Variants in ASB2 observed in about 807,000 individuals in gnomAD.
The protein encoded by ASB2 is ankyrin repeat and SOCS box containing 2, also known as ankyrin repeat and SOCS box protein 2.
A neutral mutation model predicts 62.4 loss-of-function variants in ASB2; 58 were observed. That is an observed-to-expected ratio of 0.93 (90% CI 0.75 to 1.16). The LOEUF is 1.16. Among genes scored for constraint, ASB2 ranks in the 50% most tolerant of loss-of-function variants. ASB2 has a pLI of 0.00. For missense variants in ASB2, 928 were observed against 887.9 expected, an observed-to-expected ratio of 1.05 and a Z score of -0.57; for synonymous variants, 386 against 385.3, an observed-to-expected ratio of 1.00 and a Z score of -0.02.
chr14:93,939,265 T>TC lies in ASB2; in HGVS notation c.1459_1460insG (p.Lys487ArgfsTer56), dbSNP rs1490249285. On this transcript the variant is annotated frameshift_variant, in exon 8 of 10. Transcript: ENST00000555019. LOFTEE classifies it high-confidence loss of function. ...GAGGAACTTGAGCAGCGACAGGCACTTCATGGCGAACATGATGGTGGCGGG... is the reference window on the plus strand; with the variant it reads ...GAGGAACTTGAGCAGCGACAGGCACTCTCATGGCGAACATGATGGTGGCGGG... 1.2e-5 allele frequency: 20 copies of TC among 1,610,022 alleles called. No homozygotes were observed. Among genetic ancestry groups the TC allele is most frequent in the Non-Finnish European group, 1.7e-5 (20 of 1,177,224 alleles).
At chr14:93,959,407 A>T (rs1160325981) in intron 2 of ASB2, among the ~76,000 whole-genome samples, 1 of 152,116 alleles carries the variant, frequency 6.6e-6, no homozygotes, top group African/African-American at 2.4e-5. Context: ...GACCGCTCAG[A>T]GTTACTGAGT....
intron 7 of ASB2, among the ~76,000 whole-genome samples, chr14:93,944,434 G>A (rs1027704581): frequency 2.6e-5 from 4 of 152,380 alleles, no homozygotes; most frequent in Non-Finnish European, 4.4e-5. Flanking sequence ...GACACCATCT[G>A]GCAAACAGCC....
At chr14:93,949,969 C>T (rs953738381) in intron 6 of ASB2, among the ~76,000 whole-genome samples, 2 of 152,216 alleles carry the variant, frequency 1.3e-5, no homozygotes, top group East Asian at 1.9e-4. Flanking sequence ...CCCGTGCTGC[C>T]GACTCTCACA....
intron 9 of ASB2, among the ~76,000 whole-genome samples, chr14:93,935,026 C>A (rs1279270683): frequency 1.3e-5 from 2 of 152,204 alleles, no homozygotes; most frequent in Non-Finnish European, 1.5e-5. Context: ...GTGGTTAGCA[C>A]ACCCATTTCA....
intron 2 of ASB2, chr14:93,957,391 C>T: frequency 9.8e-7 from 1 of 1,016,274 alleles, no homozygotes; most frequent in Non-Finnish European, 1.2e-6. Flanking sequence ...GGATCTTGTC[C>T]CAGGGGTAGG....
intron 2 of ASB2, 53 bp from the exon 3 acceptor site, chr14:93,956,923 A>G (rs1303987586): frequency 6.2e-7 from 1 of 1,609,382 alleles, no homozygotes; most frequent in Non-Finnish European, 8.5e-7. Flanking sequence ...GCATAGGAGA[A>G]GCGGGTCATG....
intron 2 of ASB2, among the ~76,000 whole-genome samples, chr14:93,957,910 T>TG (rs1199343018): frequency 6.6e-6 from 1 of 152,014 alleles, no homozygotes; most frequent in African/African-American, 2.4e-5. Context: ...CACACTCTTC[T>TG]GGGGGGGATT....
intron 3 of ASB2, chr14:93,955,191 A>G (rs1274501171): frequency 4.4e-6 from 2 of 455,980 alleles, no homozygotes; most frequent in African/African-American, 2.0e-5. Flanking sequence ...CAATAGTCCC[A>G]TTTCCCAGAT....
chr14:93,972,404 T>G (rs1889782524), intron 1 of ASB2, among the ~76,000 whole-genome samples: 1 of 152,190 alleles, frequency 6.6e-6, no homozygotes, highest in African/African-American at 2.4e-5. Flanking sequence ...TTTTAGAACC[T>G]AATCAATAAA....
intron 9 of ASB2, 41 bp downstream of exon 9, chr14:93,937,657 A>G (rs1216188816): frequency 6.3e-7 from 1 of 1,585,720 alleles, no homozygotes; most frequent in Non-Finnish European, 8.6e-7. Flanking sequence ...TGAGTCAGGC[A>G]GGGAGATCTG....
At chr14:93,966,366 C>G (rs1889591434) in intron 1 of ASB2, among the ~76,000 whole-genome samples, 1 of 152,166 alleles carries the variant, frequency 6.6e-6, no homozygotes, top group Non-Finnish European at 1.5e-5. Context: ...CTAGTTTTAT[C>G]CAAAGAGTTA....
intron 2 of ASB2, among the ~76,000 whole-genome samples, chr14:93,963,075 A>T (rs1269074595): frequency 6.6e-6 from 1 of 152,210 alleles, no homozygotes; most frequent in Non-Finnish European, 1.5e-5. Flanking sequence ...GCCTCTGCCC[A>T]GCCAGCCTGA....
chr14:93,942,864 A>C (rs1287871127), intron 7 of ASB2, among the ~76,000 whole-genome samples: 3 of 152,142 alleles, frequency 2.0e-5, no homozygotes, highest in African/African-American at 2.4e-5. Flanking sequence ...GATGATGATG[A>C]TGATGATGAT....
At chr14:93,945,968 G>A (rs8022055) in intron 7 of ASB2, among the ~76,000 whole-genome samples, 1,765 of 152,284 alleles carry the variant, frequency 0.012, 29 homozygotes, top group African/African-American at 0.04. Flanking sequence ...TAAATGAAAT[G>A]TTTTTAAAAT....
intron 2 of ASB2, among the ~76,000 whole-genome samples, chr14:93,958,112 T>A (rs72631626): frequency 6.6e-6 from 1 of 152,136 alleles, no homozygotes; most frequent in African/African-American, 2.4e-5. Flanking sequence ...CTCTGCTTCA[T>A]GCTCTCAGGG....
At chr14:93,943,221 T>G (rs111554645) in intron 7 of ASB2, among the ~76,000 whole-genome samples, 278 of 152,312 alleles carry the variant, frequency 1.8e-3, no homozygotes, top group African/African-American at 6.3e-3. Flanking sequence ...TAGTCGGCAG[T>G]GAATGAACAA....
intron 5 of ASB2, 104 bp downstream of exon 5, chr14:93,953,248 G>T: frequency 9.9e-7 from 1 of 1,011,722 alleles, no homozygotes; most frequent in South Asian, 1.9e-5. Flanking sequence ...ATTTGAGCAG[G>T]GCCACGTTGG....
intron 9 of ASB2, 38 bp downstream of exon 9, chr14:93,937,660 G>A (rs1330052997): frequency 1.9e-6 from 3 of 1,586,258 alleles, no homozygotes; most frequent in Non-Finnish European, 2.6e-6. Flanking sequence ...GTCAGGCAGG[G>A]AGATCTGCCA....
chr14:93,944,817 A>G (rs1385322660), intron 7 of ASB2, among the ~76,000 whole-genome samples: 2 of 152,228 alleles, frequency 1.3e-5, no homozygotes, highest in African/African-American at 4.8e-5. Context: ...CCATGGACAC[A>G]GTGTTCCAGG....
Sources: gnomAD v4.1 joint callset for allele counts (sites outside exome capture counted in the v4.1 genomes callset) on GRCh38, gnomAD v4.1.1 for gene constraint, MANE v1.5 for transcripts, NCBI Gene and HGNC (gene_info 2026-07-23, HGNC 2026-07-21) for gene names.